The following LRRN1 variants were observed in gnomAD, a reference collection of about 807,000 sequenced individuals.
LRRN1 encodes the protein leucine-rich repeat neuronal protein 1.
In LRRN1, 14 loss-of-function variants were observed where a neutral mutation model predicts 45.8. That is an observed-to-expected ratio of 0.31 (90% confidence interval 0.20 to 0.48). The LOEUF is 0.48. Among genes scored for constraint, LRRN1 ranks in the 20% least tolerant of loss-of-function variants. LRRN1 has a pLI of 0.99. For synonymous variants in LRRN1, 359 were observed against 330.1 expected, an observed-to-expected ratio of 1.09 and a Z score of -0.95; for missense variants, 789 against 874.2, an observed-to-expected ratio of 0.90 and a Z score of 1.23.
intron 1 of LRRN1, among the ~76,000 whole-genome samples, chr3:3,832,384 T>C (rs1693391432): frequency 6.6e-6 from 1 of 152,164 alleles, no homozygotes; most frequent in African/African-American, 2.4e-5. Flanking sequence ...CATTCTGGCA[T>C]TGGGGAAATG....
intron 1 of LRRN1, among the ~76,000 whole-genome samples, chr3:3,809,722 G>A (rs761752742): frequency 9.9e-5 from 15 of 152,172 alleles, no homozygotes; most frequent in Admixed American, 2.0e-4. Context: ...TGGAACCTCA[G>A]TATCTACATC....
At chr3:3,822,244 CATA>C (rs1308034789) in intron 1 of LRRN1, among the ~76,000 whole-genome samples, 1 of 152,168 alleles carries the variant, frequency 6.6e-6, no homozygotes, top group Non-Finnish European at 1.5e-5. Context: ...GTGCATGTTG[CATA>C]ATAAGAGCTT....
At chr3:3,834,794 C>T (rs535270729) in intron 1 of LRRN1, among the ~76,000 whole-genome samples, 193 of 151,118 alleles carry the variant, frequency 1.3e-3, no homozygotes, top group Non-Finnish European at 2.2e-3. Context: ...GAGGCTAGGC[C>T]CATCTCTTCT....
At chr3:3,837,857 G>C (rs1693557464) in intron 1 of LRRN1, among the ~76,000 whole-genome samples, 1 of 151,934 alleles carries the variant, frequency 6.6e-6, no homozygotes, top group South Asian at 2.1e-4. Flanking sequence ...ACATGCATTA[G>C]CTGTTTTTCC....
At chr3:3,818,807 G>C (rs711576) in intron 1 of LRRN1, among the ~76,000 whole-genome samples, 2 of 152,062 alleles carry the variant, frequency 1.3e-5, no homozygotes, top group South Asian at 2.1e-4. Flanking sequence ...AGGTACCTCT[G>C]TCTCCCTATC....
intron 1 of LRRN1, among the ~76,000 whole-genome samples, chr3:3,802,021 C>T (rs1692662889): frequency 1.3e-5 from 2 of 152,144 alleles, no homozygotes; most frequent in African/African-American, 2.4e-5. Flanking sequence ...CTGAGAATGT[C>T]CACTGTCTAG....
chr3:3,818,242 A>G (rs1693026169), intron 1 of LRRN1, among the ~76,000 whole-genome samples: 1 of 152,240 alleles, frequency 6.6e-6, no homozygotes, highest in Admixed American at 6.5e-5. Context: ...TTAACATTTA[A>G]TCATGCAGCT....
intron 1 of LRRN1, among the ~76,000 whole-genome samples, chr3:3,833,667 C>T (rs1468909207): frequency 6.6e-6 from 1 of 152,154 alleles, no homozygotes; most frequent in African/African-American, 2.4e-5. Flanking sequence ...GGAGAATCAA[C>T]ATTATTTTGC....
chr3:3,807,599 T>C (rs17037238), intron 1 of LRRN1, among the ~76,000 whole-genome samples: 3,312 of 152,132 alleles, frequency 0.022, 148 homozygotes, highest in African/African-American at 0.077. Flanking sequence ...GGATAATGAG[T>C]GTAAGGTTTC....
rs1367955695 is a variant in LRRN1, at chr3:3,848,879, AT to A, written c.*2088del. On this transcript the variant is annotated 3_prime_UTR_variant, in exon 2 of 2. Coordinates refer to ENST00000319331, the MANE Select transcript of LRRN1 (RefSeq NM_020873.7). Reference sequence around the variant, plus strand: ...TGCCCCTGCTTCAAAAATGCAGTACATCCTCAAGTTCCCATTTACTCAGGAT... The same window carrying A: ...TGCCCCTGCTTCAAAAATGCAGTACACCTCAAGTTCCCATTTACTCAGGAT... Among the ~76,000 whole-genome samples the A allele has an allele frequency of 6.6e-6, 1 of 152,166 alleles. No individual in the cohort carries two copies. Among genetic ancestry groups the A allele is most frequent in the Non-Finnish European group, 1.5e-5 (1 of 68,030 alleles).
At chr3:3,834,527 T>TATATATATATATATATATATATATATATG (rs1559302552) in intron 1 of LRRN1, among the ~76,000 whole-genome samples, 1 of 66,622 alleles carries the variant, frequency 1.5e-5, no homozygotes, top group African/African-American at 6.9e-5. Flanking sequence ...CAGAACAGGA[T>TATATATATATATATATATATATATATATG]ATATATATAT....
intron 1 of LRRN1, among the ~76,000 whole-genome samples, chr3:3,843,188 A>G (rs1693683417): frequency 2.6e-5 from 4 of 152,232 alleles, no homozygotes; most frequent in Admixed American, 2.6e-4. Context: ...CCCATTTTAT[A>G]GCTGAAGATA....
At position 3,816,911 on chromosome 3, in the gene LRRN1, A is replaced by C. The variant is rs568708313; in HGVS notation, c.-279+16992A>C. On this transcript the variant is annotated intron_variant, in intron 1 of 1. Coordinates refer to ENST00000319331, the MANE Select transcript of LRRN1 (RefSeq NM_020873.7). This position sits in a 1 kb window ranked among gnomAD's most constrained non-coding sequence, Gnocchi z 4.0. ...GCTGCGGGAATTGTGACATTACTTG[A>C]ATTAGTCATGATTTGCCAGAGAAAG... 2.0e-4 allele frequency among the ~76,000 whole-genome samples: 30 copies of C among 152,290 alleles called. No individual in the cohort carries two copies. Among genetic ancestry groups the C allele is most frequent in the African/African-American group, 7.0e-4 (29 of 41,556 alleles).
chr3:3,825,911 T>A (rs1693205657), intron 1 of LRRN1, among the ~76,000 whole-genome samples: 1 of 152,200 alleles, frequency 6.6e-6, no homozygotes, highest in Non-Finnish European at 1.5e-5. Flanking sequence ...TATCATATAT[T>A]CCCTTTAGCT....
chr3:3,830,664 G>T (rs917037440), intron 1 of LRRN1, among the ~76,000 whole-genome samples: 1 of 152,176 alleles, frequency 6.6e-6, no homozygotes, highest in Non-Finnish European at 1.5e-5. Flanking sequence ...GAGACCATGG[G>T]CATTTGAGCC....
intron 1 of LRRN1, among the ~76,000 whole-genome samples, chr3:3,837,483 A>G (rs561934417): frequency 6.6e-6 from 1 of 152,284 alleles, no homozygotes; most frequent in South Asian, 2.1e-4. Flanking sequence ...AAAATGACTC[A>G]GCCTGCTGGT....
chr3:3,837,034 A>G (rs987600650), intron 1 of LRRN1, among the ~76,000 whole-genome samples: 5 of 152,112 alleles, frequency 3.3e-5, no homozygotes, highest in African/African-American at 9.7e-5. Context: ...AAGGAAGCTG[A>G]GAACATCCGC....
At chr3:3,834,288 G>A (rs1223120009) in intron 1 of LRRN1, among the ~76,000 whole-genome samples, 1 of 151,748 alleles carries the variant, frequency 6.6e-6, no homozygotes, top group East Asian at 1.9e-4. Context: ...AGTGAATCAG[G>A]AGTGTCAAAT....
chr3:3,809,117 G>A (rs1320387267), intron 1 of LRRN1, among the ~76,000 whole-genome samples: 4 of 151,646 alleles, frequency 2.6e-5, no homozygotes, highest in Admixed American at 2.6e-4. Flanking sequence ...AAATAAGTAG[G>A]TTGCTGAATC....
Sources: gnomAD v4.1 joint callset for allele counts (sites outside exome capture counted in the v4.1 genomes callset) on GRCh38, gnomAD v4.1.1 for gene constraint, Gnocchi (gnomAD v3.1) non-coding constraint, MANE v1.5 for transcripts, NCBI Gene and HGNC (gene_info 2026-07-23, HGNC 2026-07-21) for gene names.